The following BAZ1A variants were observed in gnomAD, a reference collection of about 807,000 sequenced individuals.
BAZ1A encodes bromodomain adjacent to zinc finger domain protein 1A.
A neutral mutation model predicts 185.2 loss-of-function variants in BAZ1A; 50 were observed. That is an observed-to-expected ratio of 0.27 (90% CI 0.22 to 0.34). The LOEUF is 0.34. Ranked by LOEUF, BAZ1A falls within the 10% of genes least tolerant of loss-of-function variation. The pLI is 1.00. For synonymous variants in BAZ1A, 571 were observed against 615.6 expected (o/e 0.93, Z 1.07); for missense variants, 1,356 against 1,839.9 (o/e 0.74, Z 4.81).
intron 24 of BAZ1A, among the ~76,000 whole-genome samples, chr14:34,759,183 T>TTTTTTTTGTTTTG (rs1886407179): frequency 8.3e-5 from 10 of 121,010 alleles, no homozygotes; most frequent in Non-Finnish European, 1.2e-4. Context: ...TTTTTTTTTT[T>TTTTTTTTGTTTTG]TTTTTTTTTT....
intron 3 of BAZ1A, among the ~76,000 whole-genome samples, chr14:34,859,724 C>G (rs2042738463): frequency 6.6e-6 from 1 of 152,118 alleles, no homozygotes; most frequent in South Asian, 2.1e-4. Context: ...TCTTACCTTA[C>G]TTACTACTCC....
rs1594822861 is a variant in BAZ1A, at chr14:34,773,555, G to T, written c.3152+17C>A. On this transcript the variant is annotated intron_variant, in intron 20 of 26. Transcript: ENST00000360310. ...GCAAGGAAAAGTAATGGTTACTTTA[G>T]AAAAATCTTTTTGTACCTGTCTTTT... is the stretch of plus-strand genomic sequence containing the variant. 1 of 1,508,350 alleles carries T rather than the reference G, an allele frequency of 6.6e-7. No individual in the cohort carries two copies. The allele number at this position is 1,508,350 out of a possible 1,614,324, so 93.4% of individuals were successfully genotyped here.
chr14:34,798,810 G>A (rs888702738), intron 9 of BAZ1A, among the ~76,000 whole-genome samples: 1 of 152,180 alleles, frequency 6.6e-6, no homozygotes, highest in Non-Finnish European at 1.5e-5. Flanking sequence ...TTCAACCATT[G>A]TGGAAGACAG....
chr14:34,802,936 A>T lies in BAZ1A; in HGVS notation c.779T>A (p.Phe260Tyr). The T allele has an allele frequency of 6.2e-7, 1 of 1,612,852 alleles. No homozygotes were observed. Among genetic ancestry groups the T allele is most frequent in the Non-Finnish European group, 8.5e-7 (1 of 1,178,824 alleles). ...KIAEQDFSYF[F>Y]PDDPPTFIFS... ...GATAAATGTGGGTGGATCATCAGGG[A>T]AGAAATAAGAAAAATCTTGTTCTGC... Residue 260 changes from phenylalanine (F) to tyrosine (Y), a missense_variant, in exon 7 of 27, where the codon TTC becomes TAC. Around this residue, in one of 7 missense-constraint regions of BAZ1A, gnomAD observed 332 missense variants for 395.3 expected, o/e 0.84. Transcript: ENST00000360310.
chr14:34,853,334 C>T (rs945733915), intron 3 of BAZ1A, among the ~76,000 whole-genome samples: 11 of 152,294 alleles, frequency 7.2e-5, no homozygotes, highest in African/African-American at 2.2e-4. Context: ...TTTCTTTCCC[C>T]TATCTTTGCC....
At chr14:34,804,069 A>G (rs993308706) in intron 6 of BAZ1A, among the ~76,000 whole-genome samples, 6 of 152,272 alleles carry the variant, frequency 3.9e-5, no homozygotes, top group Admixed American at 3.9e-4. Context: ...GTGTAGTGGC[A>G]TGATCTCGGC....
rs376613891 is a variant in BAZ1A at position 34,792,765 on chromosome 14, G to T, written c.1510+10C>A. ...CTATGGTTCAATCAGCAATAATGTT[G>T]AACTCTGACCTTTGGTGTCAGCATC... On this transcript the variant is annotated intron_variant, in intron 12 of 26. Transcript: ENST00000360310. The T allele has an allele frequency of 6.2e-7, 1 of 1,612,090 alleles. No individual in the cohort carries two copies. The highest frequency in any genetic ancestry group is 8.5e-7 in the Non-Finnish European group (1 of 1,179,598).
intron 6 of BAZ1A, among the ~76,000 whole-genome samples, chr14:34,805,297 T>A (rs1188149703): frequency 6.6e-6 from 1 of 152,258 alleles, no homozygotes; most frequent in Non-Finnish European, 1.5e-5. Flanking sequence ...AATCTTCTAT[T>A]ACACTCTAAG....
chr14:34,764,364 C>T (rs1878675668), intron 23 of BAZ1A, among the ~76,000 whole-genome samples: 1 of 142,630 alleles, frequency 7.0e-6, no homozygotes. Context: ...TGATCCGTTA[C>T]CTCACTGCAA....
chr14:34,871,766 G>A (rs139006715), intron 2 of BAZ1A, among the ~76,000 whole-genome samples: 22 of 152,286 alleles, frequency 1.4e-4, no homozygotes, highest in East Asian at 9.6e-4. Context: ...CCAGCTACTC[G>A]GGAGGCTGAG....
intron 16 of BAZ1A, 77 bp from the exon 17 acceptor site, chr14:34,780,387 G>T: frequency 6.9e-7 from 1 of 1,439,070 alleles, no homozygotes; most frequent in Non-Finnish European, 9.4e-7. Context: ...GCTTGCTTAT[G>T]AAGTACCAGG....
intron 24 of BAZ1A, among the ~76,000 whole-genome samples, chr14:34,760,366 T>C (rs995382803): frequency 2.0e-5 from 3 of 152,174 alleles, no homozygotes; most frequent in African/African-American, 2.4e-5. Context: ...CCTAAAAAAC[T>C]TGACAATCTG....
intron 2 of BAZ1A, among the ~76,000 whole-genome samples, chr14:34,869,836 G>C (rs550161837): frequency 6.6e-6 from 1 of 152,160 alleles, no homozygotes; most frequent in Admixed American, 6.5e-5. Context: ...AAATAATAAA[G>C]AAATGATATT....
chr14:34,762,581 C>T (rs1017627610), intron 23 of BAZ1A, among the ~76,000 whole-genome samples: 2 of 151,756 alleles, frequency 1.3e-5, no homozygotes, highest in African/African-American at 4.8e-5. Flanking sequence ...TGATCAGGTG[C>T]TCCTCCCATC....
intron 3 of BAZ1A, 78 bp downstream of exon 3, chr14:34,861,966 G>C (rs1594912217): frequency 1.3e-6 from 2 of 1,490,272 alleles, no homozygotes; most frequent in South Asian, 2.6e-5. Flanking sequence ...GATTTCCTTA[G>C]GTCACCACTT....
At chr14:34,811,531 G>A (rs1258293060) in intron 4 of BAZ1A, among the ~76,000 whole-genome samples, 1 of 151,932 alleles carries the variant, frequency 6.6e-6, no homozygotes, top group Non-Finnish European at 1.5e-5. Context: ...AATCATCAAA[G>A]CTGAGTGCAG....
At chr14:34,791,221 T>C (rs1004206690) in intron 12 of BAZ1A, among the ~76,000 whole-genome samples, 3 of 152,218 alleles carry the variant, frequency 2.0e-5, no homozygotes, top group African/African-American at 7.2e-5. Flanking sequence ...TCCTTTATAC[T>C]GATTTTCCCA....
chr14:34,871,709 C>T lies in BAZ1A; in HGVS notation c.113+2783G>A, dbSNP rs1288677679. On this transcript the variant is annotated intron_variant, in intron 2 of 26. Coordinates refer to ENST00000360310, the MANE Select transcript of BAZ1A (RefSeq NM_013448.3). ...CCAACATGATGAAACCCCGTCTCTA[C>T]TAAAAATACAAAAATTAGCTGGGCG... is the stretch of plus-strand genomic sequence containing the variant. 3.3e-5 allele frequency among the ~76,000 whole-genome samples: 5 copies of T among 152,292 alleles called. No individual in the cohort carries two copies. In the East Asian group the frequency reaches 5.8e-4, roughly 18 times the overall value.
chr14:34,761,990 C>T lies in BAZ1A; in HGVS notation c.4010G>A (p.Arg1337His), dbSNP rs375109176. Residue 1337 changes from arginine to histidine, a missense_variant, in exon 24 of 27, where the codon CGC becomes CAC. Arg to His is a conservative substitution (Grantham distance 29). Around this residue, in one of 7 missense-constraint regions of BAZ1A, gnomAD observed 309 missense variants for 355.3 expected, o/e 0.87. Transcript: ENST00000360310. ...KSLRIASRSTRHSHGPLQADV... is the reference protein window; with the variant it reads ...KSLRIASRSTHHSHGPLQADV... ...TGCTTGCAGTGGGCCATGACTGTGGCGAGTAGAACGACTGGCAATTCTTAA... is the reference window on the plus strand; with the variant it reads ...TGCTTGCAGTGGGCCATGACTGTGGTGAGTAGAACGACTGGCAATTCTTAA... 6.8e-6 allele frequency: 11 copies of T among 1,614,124 alleles called. No individual in the cohort carries two copies. In the East Asian group the frequency reaches 1.6e-4, roughly 23 times the overall value.
Sources: gnomAD v4.1 joint callset for allele counts (sites outside exome capture counted in the v4.1 genomes callset) on GRCh38, gnomAD v4.1.1 for gene constraint, gnomAD v4.1.1 regional missense constraint, MANE v1.5 for transcripts, NCBI Gene and HGNC (gene_info 2026-07-23, HGNC 2026-07-21) for gene names.